DAB2IP: variants seen among roughly 807,000 people sequenced by gnomAD.
The protein encoded by DAB2IP is disabled homolog 2-interacting protein.
In DAB2IP, 28 loss-of-function variants were observed where a neutral mutation model predicts 107.2. The ratio of observed to expected loss-of-function variants is 0.26; its 90% CI spans 0.19 to 0.36. DAB2IP has a LOEUF of 0.36. Ranked by LOEUF, DAB2IP falls within the 10% of genes least tolerant of loss-of-function variation. The pLI, the probability that DAB2IP is intolerant of heterozygous loss-of-function variation, is 1.00. For synonymous variants in DAB2IP, 755 were observed against 706.4 expected (o/e 1.07, Z -1.09); for missense variants, 1,400 against 1,644.7 (o/e 0.85, Z 2.57).
chr9:121,779,683 A>C (rs796172801), intron 14 of DAB2IP, among the ~76,000 whole-genome samples: 1 of 151,914 alleles, frequency 6.6e-6, no homozygotes, highest in African/African-American at 2.4e-5. Context: ...GCGTCACTGC[A>C]CTCTCACTGG....
intron 2 of DAB2IP, among the ~76,000 whole-genome samples, chr9:121,687,241 G>A (rs1828929933): frequency 6.6e-6 from 1 of 152,234 alleles, no homozygotes; most frequent in African/African-American, 2.4e-5. Flanking sequence ...GGCTGGGCCT[G>A]GCATGACTGG....
chr9:121,653,098 G>C (rs1320105755), intron 1 of DAB2IP, among the ~76,000 whole-genome samples: 3 of 147,054 alleles, frequency 2.0e-5, no homozygotes, highest in African/African-American at 5.0e-5. Flanking sequence ...TGCCTTTCCT[G>C]AAGTCTTAGT....
chr9:121,742,673 C>T (rs2118900550), intron 3 of DAB2IP: 1 of 952,074 alleles, frequency 1.1e-6, no homozygotes, highest in East Asian at 1.2e-4. Context: ...TGCCTGAGTC[C>T]TGGGCTTGGA....
intron 14 of DAB2IP, among the ~76,000 whole-genome samples, chr9:121,778,410 T>A (rs1835357128): frequency 6.6e-6 from 1 of 152,224 alleles, no homozygotes; most frequent in African/African-American, 2.4e-5. Flanking sequence ...CACCATACTA[T>A]TGGGTCTTGC....
At chr9:121,777,550 A>G (rs538772780) in intron 14 of DAB2IP, among the ~76,000 whole-genome samples, 1 of 152,362 alleles carries the variant, frequency 6.6e-6, no homozygotes, top group Admixed American at 6.5e-5. Context: ...TTCTGAATTC[A>G]GAGACTTGCT....
chr9:121,657,305 C>T (rs982166972), intron 1 of DAB2IP, among the ~76,000 whole-genome samples: 4 of 152,198 alleles, frequency 2.6e-5, no homozygotes, highest in Non-Finnish European at 4.4e-5. Flanking sequence ...TCTAGGTCCT[C>T]GAAGGAGGCC....
chr9:121,747,271 A>G (rs890955373), intron 3 of DAB2IP, among the ~76,000 whole-genome samples: 2 of 150,818 alleles, frequency 1.3e-5, no homozygotes, highest in Non-Finnish European at 2.9e-5. Flanking sequence ...CAAGAGGGGC[A>G]GGGGCAGCTA....
At chr9:121,694,608 G>C (rs960568298) in intron 2 of DAB2IP, among the ~76,000 whole-genome samples, 1 of 152,012 alleles carries the variant, frequency 6.6e-6, no homozygotes, top group Admixed American at 6.6e-5. Flanking sequence ...CTCTACTCCT[G>C]GGGTAGTAGA....
chr9:121,595,988 A>G (rs1377973158), intron 1 of DAB2IP, among the ~76,000 whole-genome samples: 2 of 151,930 alleles, frequency 1.3e-5, no homozygotes, highest in Admixed American at 6.6e-5. Flanking sequence ...GGAGTTTGAG[A>G]CCAGCCTGGC....
At chr9:121,725,154 A>T (rs962804692) in intron 3 of DAB2IP, among the ~76,000 whole-genome samples, 1 of 151,780 alleles carries the variant, frequency 6.6e-6, no homozygotes, top group Non-Finnish European at 1.5e-5. Context: ...ATGGTGAGTG[A>T]GTGTGTGTGC....
intron 1 of DAB2IP, among the ~76,000 whole-genome samples, chr9:121,596,086 C>T (rs143938668): frequency 0.017 from 2,647 of 152,082 alleles, 52 homozygotes; most frequent in Non-Finnish European, 0.022. Context: ...TTTAGGAGGC[C>T]GAGGCAGGTG....
rs1258417634 is a variant in DAB2IP, at chr9:121,760,516, A to G, written c.1170+77A>G. 17 of 1,457,310 alleles carry G rather than the reference A, an allele frequency of 1.2e-5. No individual in the cohort carries two copies. The Admixed American group carries it at 2.9e-4, about 25-fold the overall frequency. 90.3% of individuals were successfully genotyped at this position (1,457,310 alleles called of 1,614,324 possible). On this transcript the variant is annotated intron_variant, in intron 6 of 15. Coordinates refer to ENST00000408936, the Ensembl canonical transcript of DAB2IP. This position sits in a 1 kb window ranked among gnomAD's most constrained non-coding sequence, Gnocchi z 5.9. Reference sequence around the variant, plus strand: ...TACCTGCCCTTCCTCACATCCGTACATTTCAGGCCTAACAGAGGCCTTGGA... The same window carrying G: ...TACCTGCCCTTCCTCACATCCGTACGTTTCAGGCCTAACAGAGGCCTTGGA...
Position 121,757,184 on chromosome 9 carries a change from G to T in DAB2IP, c.516+18G>T. ...GCTTCGAGGTGGGTCCCATCACAGGGGTTGGGGTGGACACCCCATCCTCTC... is the reference window on the plus strand; with the variant it reads ...GCTTCGAGGTGGGTCCCATCACAGGTGTTGGGGTGGACACCCCATCCTCTC... On this transcript the variant is annotated intron_variant, in intron 4 of 15. Transcript: ENST00000408936. 1 of 1,610,478 alleles carries T rather than the reference G, an allele frequency of 6.2e-7. No homozygotes were observed. Among genetic ancestry groups the T allele is most frequent in the Non-Finnish European group, 8.5e-7 (1 of 1,177,648 alleles).
rs865947237 is a variant in DAB2IP at position 121,662,084 on chromosome 9, C to T, written c.124+10185C>T. 6.6e-6 allele frequency among the ~76,000 whole-genome samples: 1 copy of T among 152,128 alleles called. No individual in the cohort carries two copies. The highest frequency in any genetic ancestry group is 6.5e-5 in the Admixed American group (1 of 15,278). On this transcript the variant is annotated intron_variant, in intron 1 of 15. Transcript: ENST00000408936. This position sits in a 1 kb window ranked among gnomAD's most constrained non-coding sequence, Gnocchi z 4.6. ...AAATCACCTTTAATCCAGCACCCAC[C>T]AATAAGCTCTGGGATCACTGGGGGG...
intron 1 of DAB2IP, among the ~76,000 whole-genome samples, chr9:121,579,934 G>A (rs1359500526): frequency 6.6e-6 from 1 of 152,152 alleles, no homozygotes; most frequent in Non-Finnish European, 1.5e-5. Flanking sequence ...CTGGGTCGGG[G>A]GAAGGAAACC....
intron 1 of DAB2IP, among the ~76,000 whole-genome samples, chr9:121,579,287 A>C (rs191412590): frequency 2.6e-5 from 4 of 151,740 alleles, no homozygotes; most frequent in Admixed American, 1.3e-4. Context: ...CTGTAGTTAT[A>C]ATCATTTGTG....
chr9:121,732,742 C>T (rs900428320), intron 3 of DAB2IP, among the ~76,000 whole-genome samples: 1 of 152,194 alleles, frequency 6.6e-6, no homozygotes, highest in Admixed American at 6.5e-5. Flanking sequence ...ATCCCAGCTC[C>T]CACCAGTAAC....
At chr9:121,672,686 T>C (rs547449737) in intron 1 of DAB2IP, among the ~76,000 whole-genome samples, 7 of 152,252 alleles carry the variant, frequency 4.6e-5, no homozygotes, top group Non-Finnish European at 1.0e-4. Context: ...ATAGAAGTCA[T>C]GCAATGAGTT....
rs929850323 is a variant in DAB2IP, at chr9:121,599,577, G to A, written c.40+32349G>A. Among the ~76,000 whole-genome samples, 2 of 151,972 alleles carry A rather than the reference G, an allele frequency of 1.3e-5. No individual in the cohort carries two copies. Among genetic ancestry groups the A allele is most frequent in the Non-Finnish European group, 2.9e-5 (2 of 67,926 alleles). On this transcript the variant is annotated intron_variant, in intron 1 of 16. Transcript: ENST00000259371. The surrounding 1 kb of genome is among the most constrained non-coding windows in gnomAD (Gnocchi z 6.9). ...CGGGGGAGGCGCGGAGCCGGCCGTA[G>A]CGCGCTCCTGCCTGGCCAGCCGCCT...
Sources: allele counts gnomAD v4.1 joint callset (sites outside exome capture counted in the v4.1 genomes callset), GRCh38; gene constraint gnomAD v4.1.1; non-coding constraint Gnocchi (gnomAD v3.1); transcripts MANE v1.5; gene names NCBI Gene and HGNC (gene_info 2026-07-23, HGNC 2026-07-21).